The following COL21A1 variants were observed in gnomAD, a reference collection of about 807,000 sequenced individuals.
COL21A1 encodes the protein collagen alpha-1(XXI) chain.
Under a neutral mutation model 137.9 loss-of-function variants are expected in COL21A1, and 149 were observed. The observed-to-expected ratio is 1.08, with a 90% CI of 0.95 to 1.24. The LOEUF (loss-of-function observed/expected upper bound fraction) is 1.24. Ranked by LOEUF, COL21A1 falls within the 50% of genes most tolerant of loss-of-function variation. The probability of loss-of-function intolerance (pLI) is 0.00; values close to 1 mark genes in which losing one functional copy is unlikely to be tolerated. For synonymous variants in COL21A1, 456 were observed against 391.5 expected, an observed-to-expected ratio of 1.16 and a Z score of -1.95; for missense variants, 1,167 against 1,158.4, an observed-to-expected ratio of 1.01 and a Z score of -0.11.
At chr6:56,363,069 AT>A (rs1766011196) in intron 1 of COL21A1, among the ~76,000 whole-genome samples, 1 of 152,168 alleles carries the variant, frequency 6.6e-6, no homozygotes, top group African/African-American at 2.4e-5. Flanking sequence ...AGAAACATGA[AT>A]GTTTGACATC....
At chr6:56,180,417 A>G (rs1427052053) in intron 2 of COL21A1, among the ~76,000 whole-genome samples, 1 of 152,236 alleles carries the variant, frequency 6.6e-6, no homozygotes, top group Non-Finnish European at 1.5e-5. Flanking sequence ...AACCAAGATC[A>G]CCCAATGAAT....
intron 1 of COL21A1, among the ~76,000 whole-genome samples, chr6:56,316,476 A>AATTTTT (rs776151498): frequency 7.9e-4 from 24 of 30,360 alleles, no homozygotes; most frequent in Non-Finnish European, 1.5e-3. Context: ...TTCTAAATAG[A>AATTTTT]CTTTTTTTTT....
At chr6:56,167,178 A>G (rs1264291986) in intron 6 of COL21A1, among the ~76,000 whole-genome samples, 195 bp from the exon 7 acceptor site, 1 of 152,268 alleles carries the variant, frequency 6.6e-6, no homozygotes, top group Admixed American at 6.5e-5. Flanking sequence ...TAACTACTAA[A>G]GAAAAATTCC....
rs565453366 is a variant in COL21A1 at position 56,315,744 on chromosome 6, C to T, written c.-39+78227G>A. ...TTTTGCACATAGATCTTTGCAATTG[C>T]CTGAGTTAGGTCAATCAAGTTCTTC... On this transcript the variant is annotated intron_variant, in intron 1 of 28. Transcript: ENST00000370819. Among the ~76,000 whole-genome samples, 26 of 151,160 alleles carry T rather than the reference C, an allele frequency of 1.7e-4. 1 individual carries two copies. The highest frequency in any genetic ancestry group is 1.4e-3 in the East Asian group (7 of 5,120).
intron 1 of COL21A1, among the ~76,000 whole-genome samples, chr6:56,188,724 A>G (rs1223817474): frequency 6.6e-6 from 1 of 152,120 alleles, no homozygotes; most frequent in Non-Finnish European, 1.5e-5. Flanking sequence ...CATAGAGAAG[A>G]GCTCTGGCTG....
At chr6:56,255,882 G>A (rs1298450640) in intron 1 of COL21A1, among the ~76,000 whole-genome samples, 1 of 152,112 alleles carries the variant, frequency 6.6e-6, no homozygotes, top group Non-Finnish European at 1.5e-5. Context: ...AGGAGGGGAC[G>A]GCACAGGATG....
At chr6:56,335,607 C>G (rs73448982) in intron 1 of COL21A1, among the ~76,000 whole-genome samples, 39 of 152,318 alleles carry the variant, frequency 2.6e-4, no homozygotes, top group African/African-American at 9.1e-4. Flanking sequence ...TGAACAGTCT[C>G]TAACTGGGGC....
At chr6:56,098,007 A>C (rs1171186615) in intron 17 of COL21A1, among the ~76,000 whole-genome samples, 8 of 82,558 alleles carry the variant, frequency 9.7e-5, no homozygotes, top group African/African-American at 4.4e-4. Flanking sequence ...ATATATAAAT[A>C]TATAAATATA....
At chr6:56,197,380 G>C (rs1163738144) in intron 1 of COL21A1, among the ~76,000 whole-genome samples, 1 of 152,004 alleles carries the variant, frequency 6.6e-6, no homozygotes, top group Non-Finnish European at 1.5e-5. Flanking sequence ...AAACTAATAA[G>C]TTTATGCACA....
intron 1 of COL21A1, among the ~76,000 whole-genome samples, chr6:56,386,484 T>C (rs909726186): frequency 2.0e-5 from 3 of 152,174 alleles, no homozygotes; most frequent in Admixed American, 2.0e-4. Flanking sequence ...CATGTAGTAG[T>C]TCTTTTTAAG....
intron 1 of COL21A1, among the ~76,000 whole-genome samples, chr6:56,361,089 G>A (rs189796879): frequency 0.016 from 2,405 of 147,452 alleles, 58 homozygotes; most frequent in African/African-American, 0.057. Context: ...GCAAGACTCC[G>A]TCTCAATCAA....
At chr6:56,208,838 C>T (rs369770920) in intron 1 of COL21A1, among the ~76,000 whole-genome samples, 22 of 152,042 alleles carry the variant, frequency 1.4e-4, no homozygotes, top group East Asian at 1.2e-3. Context: ...TACAGACCGA[C>T]GGAACAGAAC....
chr6:56,370,889 G>A (rs2093987061), intron 1 of COL21A1, among the ~76,000 whole-genome samples: 1 of 152,206 alleles, frequency 6.6e-6, no homozygotes, highest in Non-Finnish European at 1.5e-5. Context: ...AAAAAGAATG[G>A]ATTTTGCAGA....
At chr6:56,372,201 T>G (rs2152350346) in intron 1 of COL21A1, among the ~76,000 whole-genome samples, 1 of 152,254 alleles carries the variant, frequency 6.6e-6, no homozygotes, top group East Asian at 1.9e-4. Context: ...CCACAAATCT[T>G]AGAGACAGTC....
intron 12 of COL21A1, among the ~76,000 whole-genome samples, chr6:56,129,699 T>TGTGAGAGAGAGAGAGA (rs1450514214): frequency 4.2e-5 from 5 of 120,440 alleles, no homozygotes; most frequent in African/African-American, 1.5e-4. Flanking sequence ...TGTGTGTGTG[T>TGTGAGAGAGAGAGAGA]GAGAGAGAGA....
intron 1 of COL21A1, among the ~76,000 whole-genome samples, chr6:56,202,729 A>G (rs1180538998): frequency 6.6e-6 from 1 of 152,228 alleles, no homozygotes; most frequent in Admixed American, 6.5e-5. Flanking sequence ...ATTACATAAT[A>G]TCCGTCAAAA....
intron 1 of COL21A1, among the ~76,000 whole-genome samples, chr6:56,370,407 A>AT (rs1464349119): frequency 6.6e-6 from 1 of 152,234 alleles, no homozygotes; most frequent in Non-Finnish European, 1.5e-5. Flanking sequence ...AAGCTAAGCA[A>AT]TAAAATTTGA....
At chr6:56,134,674 C>A (rs113458196) in intron 12 of COL21A1, among the ~76,000 whole-genome samples, 1 of 152,192 alleles carries the variant, frequency 6.6e-6, no homozygotes, top group Non-Finnish European at 1.5e-5. Flanking sequence ...AGGAACCCAA[C>A]GGGAGGCAAT....
At chr6:56,261,065 A>G (rs1482964527) in intron 1 of COL21A1, among the ~76,000 whole-genome samples, 2 of 152,060 alleles carry the variant, frequency 1.3e-5, no homozygotes, top group Non-Finnish European at 2.9e-5. Context: ...CACTTTTTAT[A>G]GAAAATAAGG....
Sources: allele counts gnomAD v4.1 joint callset (sites outside exome capture counted in the v4.1 genomes callset), GRCh38; gene constraint gnomAD v4.1.1; transcripts MANE v1.5; gene names NCBI Gene and HGNC (gene_info 2026-07-23, HGNC 2026-07-21).